The following NAPG variants were observed in gnomAD, a reference collection of about 807,000 sequenced individuals.
NAPG encodes gamma-soluble NSF attachment protein.
In NAPG, 25 loss-of-function variants were observed where a neutral mutation model predicts 48.4. The observed-to-expected ratio is 0.52, with a 90% confidence interval of 0.38 to 0.72. The LOEUF (loss-of-function observed/expected upper bound fraction) is 0.72, where lower values mean the gene tolerates loss of function less well. Among genes scored for constraint, NAPG ranks in the 30% least tolerant of loss-of-function variants. NAPG has a pLI of 0.00. For synonymous variants in NAPG, 139 were observed against 127.2 expected (o/e 1.09, Z -0.62); for missense variants, 359 against 372.5 (o/e 0.96, Z 0.30).
intron 1 of NAPG, chr18:10,526,780 C>T (rs1359945609): frequency 6.6e-6 from 1 of 152,288 alleles, no homozygotes; most frequent in East Asian, 1.9e-4. Flanking sequence ...GTAGTAGGCA[C>T]CCTGCAAATG....
intron 2 of NAPG, among the ~76,000 whole-genome samples, chr18:10,531,530 A>G (rs1452571312): frequency 6.6e-6 from 1 of 152,216 alleles, no homozygotes; most frequent in Non-Finnish European, 1.5e-5. Flanking sequence ...CCCTTATCAC[A>G]TTTGTTAGCC....
chr18:10,549,414 T>G (rs8087649), intron 11 of NAPG, among the ~76,000 whole-genome samples: 1,981 of 152,342 alleles, frequency 0.013, 38 homozygotes, highest in African/African-American at 0.045. Context: ...ATTCATTTCT[T>G]TTAGACGGAC....
intron 5 of NAPG, among the ~76,000 whole-genome samples, chr18:10,538,306 G>T (rs930976677): frequency 2.0e-5 from 3 of 152,190 alleles, no homozygotes; most frequent in Admixed American, 2.0e-4. Context: ...GCCAGGAGGT[G>T]CATGCTCATG....
At chr18:10,549,168 T>C (rs2032332483) in intron 11 of NAPG, 72 bp downstream of exon 11, 1 of 1,516,694 alleles carries the variant, frequency 6.6e-7, no homozygotes, top group Non-Finnish European at 8.9e-7. Context: ...GATTATTTTT[T>C]ACCCATGTAC....
chr18:10,549,377 A>C (rs1427597636), intron 11 of NAPG, among the ~76,000 whole-genome samples: 3 of 152,132 alleles, frequency 2.0e-5, no homozygotes, highest in Non-Finnish European at 1.5e-5. Context: ...CTTTTCCTCT[A>C]TCTGTTGTCC....
rs58597079 is a variant in NAPG at position 10,530,188 on chromosome 18, C to CT, written c.57-553dup. Among the ~76,000 whole-genome samples, 262 of 67,292 alleles carry CT rather than the reference C, an allele frequency of 3.9e-3. 15 individuals carry two copies. The highest frequency in any genetic ancestry group is 5.3e-3 in the African/African-American group (95 of 18,086). 44.1% of individuals were successfully genotyped at this position (67,292 alleles called of 152,430 possible). A position where few individuals can be genotyped will look rare whatever the true frequency, so the allele number is the denominator to read the frequency against. On this transcript the variant is annotated intron_variant, in intron 1 of 11. Coordinates refer to ENST00000322897, the MANE Select transcript of NAPG (RefSeq NM_003826.3). ...CTTGTTTATGGGTGGCGAGTTTTCACTTTTTTTTTTTTTTTTTTTTTTTTT... is the reference window on the plus strand; with the variant it reads ...CTTGTTTATGGGTGGCGAGTTTTCACTTTTTTTTTTTTTTTTTTTTTTTTTT...
chr18:10,527,918 G>A (rs985612003), intron 1 of NAPG, among the ~76,000 whole-genome samples: 4 of 151,998 alleles, frequency 2.6e-5, no homozygotes, highest in African/African-American at 9.7e-5. Flanking sequence ...GGGCCCTGTC[G>A]CTCATGCCTG....
rs2032419065 is a variant in NAPG at position 10,552,443 on chromosome 18, G to A, written c.*2223G>A. ...CTATCTTGAGAGCATAGTCCAAAGT[G>A]CAAAACTTGGTGTTTACAAGGAAAA... On this transcript the variant is annotated 3_prime_UTR_variant, in exon 12 of 12. Coordinates refer to ENST00000322897, the MANE Select transcript of NAPG (RefSeq NM_003826.3). The A allele has an allele frequency of 1.3e-5, 2 of 152,208 alleles. No homozygotes were observed. Among genetic ancestry groups the A allele is most frequent in the African/African-American group, 2.4e-5 (1 of 41,444 alleles). 9.4% of individuals were successfully genotyped at this position (152,208 alleles called of 1,614,324 possible).
rs368788076 is a variant in NAPG, at chr18:10,526,068, C to T, written c.-35C>T. 12 of 1,602,260 alleles carry T rather than the reference C, an allele frequency of 7.5e-6. No homozygotes were observed. Among genetic ancestry groups the T allele is most frequent in the African/African-American group, 1.3e-5 (1 of 74,716 alleles). The stretch of plus-strand genomic sequence containing the variant: ...TTGGCGCCGGAGGAAGAGGCAGGGT[C>T]ACCCTCTCTCCACGTCAGAGACCTG... On this transcript the variant is annotated 5_prime_UTR_variant, in exon 1 of 12. Coordinates refer to ENST00000322897, the MANE Select transcript of NAPG (RefSeq NM_003826.3).
chr18:10,541,256 C>T (rs1037530452), intron 8 of NAPG, among the ~76,000 whole-genome samples: 4 of 152,150 alleles, frequency 2.6e-5, no homozygotes, highest in African/African-American at 9.7e-5. Context: ...TAGGACCTTC[C>T]TTCACTGAGG....
At chr18:10,528,900 C>A (rs1236571303) in intron 1 of NAPG, among the ~76,000 whole-genome samples, 2 of 152,194 alleles carry the variant, frequency 1.3e-5, no homozygotes, top group African/African-American at 4.8e-5. Context: ...TCTCCATTTT[C>A]TAATGATGAC....
intron 4 of NAPG, 120 bp downstream of exon 4, chr18:10,533,673 T>C: frequency 1.3e-6 from 1 of 792,656 alleles, no homozygotes; most frequent in African/African-American, 1.8e-5. Context: ...TAATAATCAT[T>C]TCTCTTTGCT....
chr18:10,529,795 C>G (rs893568523), intron 1 of NAPG, among the ~76,000 whole-genome samples: 25 of 152,178 alleles, frequency 1.6e-4, no homozygotes, highest in Admixed American at 1.5e-3. Context: ...GTTCCCATGG[C>G]TGTCACATAA....
intron 3 of NAPG, 67 bp downstream of exon 3, chr18:10,532,862 C>A: frequency 1.5e-6 from 2 of 1,332,596 alleles, no homozygotes; most frequent in Non-Finnish European, 1.0e-6. Flanking sequence ...TTTTCTCTTG[C>A]TGTAAATTTA....
At position 10,550,681 on chromosome 18, in the gene NAPG, TCCC is replaced by T. The variant is rs1311471449; in HGVS notation, c.*464_*466del. The stretch of plus-strand genomic sequence containing the variant: ...TTTTTTGTTTTGAAAAGTAAATTTA[TCCC>T]CCATGATGTTAGATACATTTAAATT... On this transcript the variant is annotated 3_prime_UTR_variant, in exon 12 of 12. Transcript: ENST00000322897. 6.5e-6 allele frequency: 1 copy of T among 154,556 alleles called. No homozygotes were observed. Among genetic ancestry groups the T allele is most frequent in the Non-Finnish European group, 1.4e-5 (1 of 69,758 alleles). 9.6% of individuals were successfully genotyped at this position (154,556 alleles called of 1,614,324 possible).
Position 10,546,278 on chromosome 18 carries a change from A to G in NAPG, c.507-48A>G, listed in dbSNP as rs1406219441. The G allele has an allele frequency of 8.0e-6, 10 of 1,245,936 alleles. No homozygotes were observed. Among genetic ancestry groups the G allele is most frequent in the Non-Finnish European group, 1.1e-5 (10 of 884,868 alleles). 77.2% of individuals were successfully genotyped at this position (1,245,936 alleles called of 1,614,324 possible). ...GTACATTTCACAGGGGACCTCTGCT[A>G]TAGATCATTTAGACCTGCTTTTTTT... On this transcript the variant is annotated intron_variant, in intron 8 of 11. Transcript: ENST00000322897. This position sits in a 1 kb window ranked among gnomAD's most constrained non-coding sequence, Gnocchi z 4.0.
chr18:10,542,953 G>C lies in NAPG; in HGVS notation c.506+2554G>C, dbSNP rs1262442997. On this transcript the variant is annotated intron_variant, in intron 8 of 11. Coordinates refer to ENST00000322897, the MANE Select transcript of NAPG (RefSeq NM_003826.3). This position sits in a 1 kb window ranked among gnomAD's most constrained non-coding sequence, Gnocchi z 4.5. The stretch of plus-strand genomic sequence containing the variant: ...AATCACAACACTTTGGGAGGCTGAG[G>C]CAGGCAGATCACCTGAGGTCAGAAG... Among the ~76,000 whole-genome samples the C allele has an allele frequency of 6.6e-6, 1 of 152,056 alleles. No individual in the cohort carries two copies. Among genetic ancestry groups the C allele is most frequent in the Non-Finnish European group, 1.5e-5 (1 of 68,016 alleles).
At chr18:10,549,170 C>T (rs1036692401) in intron 11 of NAPG, 74 bp downstream of exon 11, 1 of 1,509,828 alleles carries the variant, frequency 6.6e-7, no homozygotes, top group African/African-American at 1.4e-5. Context: ...TTATTTTTTA[C>T]CCATGTACTT....
intron 9 of NAPG, among the ~76,000 whole-genome samples, chr18:10,547,798 T>A (rs2032299891): frequency 6.6e-6 from 1 of 152,200 alleles, no homozygotes; most frequent in East Asian, 1.9e-4. Flanking sequence ...TATTACTACT[T>A]TTATTGTTGA....
Sources: allele counts gnomAD v4.1 joint callset (sites outside exome capture counted in the v4.1 genomes callset), GRCh38; gene constraint gnomAD v4.1.1; non-coding constraint Gnocchi (gnomAD v3.1); transcripts MANE v1.5; gene names NCBI Gene and HGNC (gene_info 2026-07-23, HGNC 2026-07-21).